PCM1: variants seen among roughly 807,000 people sequenced by gnomAD.
The protein encoded by PCM1 is pericentriolar material 1 protein.
PCM1 carries 157 observed loss-of-function variants against 241.9 expected under a neutral mutation model. The ratio of observed to expected loss-of-function variants is 0.65; its 90% confidence interval spans 0.57 to 0.74. The LOEUF (loss-of-function observed/expected upper bound fraction) is 0.74. PCM1 is among the 30% of genes least tolerant of loss of function. The pLI is 0.00. For synonymous variants in PCM1, 1,085 were observed against 784.9 expected (o/e 1.38, Z -6.39); for missense variants, 3,478 against 2,360.1 (o/e 1.47, Z -9.81).
chr8:17,928,084 A>G (rs1012633988), intron 2 of PCM1: 3 of 152,126 alleles, frequency 2.0e-5, no homozygotes, highest in Non-Finnish European at 4.4e-5. Flanking sequence ...CCGTTCAGCT[A>G]CCCGTAGTAC....
intron 26 of PCM1, among the ~76,000 whole-genome samples, chr8:17,989,063 TAAAC>T (rs1334070029): frequency 2.0e-5 from 3 of 151,976 alleles, no homozygotes; most frequent in Non-Finnish European, 1.5e-5. Flanking sequence ...GATAAATGGA[TAAAC>T]AAACTGTGGT....
chr8:18,014,918 C>G lies in PCM1; in HGVS notation c.5841+78C>G, dbSNP rs547405460. The G allele has an allele frequency of 3.9e-6, 5 of 1,276,326 alleles. No homozygotes were observed. In the African/African-American group the frequency reaches 4.4e-5, roughly 11 times the overall value. 79.1% of individuals were successfully genotyped at this position (1,276,326 alleles called of 1,614,324 possible). A position where few individuals can be genotyped will look rare whatever the true frequency, so the allele number is the denominator to read the frequency against. Reference sequence around the variant, plus strand: ...TTCTTCATTTTCAGATTAGCATTCTCCACATGTAAACCATTTTGTGTTTAG... The same window carrying G: ...TTCTTCATTTTCAGATTAGCATTCTGCACATGTAAACCATTTTGTGTTTAG... On this transcript the variant is annotated intron_variant, in intron 36 of 38. Coordinates refer to ENST00000325083, the MANE Select transcript of PCM1 (RefSeq NM_006197.4).
chr8:17,964,624 A>C lies in PCM1; in HGVS notation c.2711A>C (p.Glu904Ala), dbSNP rs1358731237. 1.9e-6 allele frequency: 3 copies of C among 1,613,822 alleles called. No individual in the cohort carries two copies. The highest frequency in any genetic ancestry group is 2.5e-6 in the Non-Finnish European group (3 of 1,179,872). The change falls in exon 18 of 39, where the codon GAA becomes GCA. Residue 904 changes from glutamate (E) to alanine (A), a missense_variant. Coordinates refer to ENST00000325083, the MANE Select transcript of PCM1 (RefSeq NM_006197.4). Reference sequence around the variant, plus strand: ...TGTGCACTAGATGAAGAAGGAGATGAAGACGGTTACCTTTCTGAAGGAATT... The same window carrying C: ...TGTGCACTAGATGAAGAAGGAGATGCAGACGGTTACCTTTCTGAAGGAATT... Reference protein sequence around the residue: ...TQCALDEEGDEDGYLSEGIVR... With the variant: ...TQCALDEEGDADGYLSEGIVR...
chr8:17,952,749 C>A (rs1298014357), intron 8 of PCM1, among the ~76,000 whole-genome samples: 2 of 151,974 alleles, frequency 1.3e-5, no homozygotes, highest in African/African-American at 4.8e-5. Context: ...GGTCCTTGAA[C>A]CAATCCCTCA....
chr8:17,930,456 C>G (rs1462639826), intron 2 of PCM1, among the ~76,000 whole-genome samples: 1 of 151,968 alleles, frequency 6.6e-6, no homozygotes, highest in Non-Finnish European at 1.5e-5. Flanking sequence ...AATGTGTTTA[C>G]AGAATAAAAT....
intron 26 of PCM1, among the ~76,000 whole-genome samples, chr8:17,986,907 G>T (rs1271865675): frequency 1.3e-5 from 2 of 151,934 alleles, no homozygotes; most frequent in Non-Finnish European, 3.0e-5. Flanking sequence ...TCTGCCTTTT[G>T]TTGAAGTGTT....
At chr8:17,991,236 T>C (rs543910037) in intron 27 of PCM1, among the ~76,000 whole-genome samples, 3 of 152,262 alleles carry the variant, frequency 2.0e-5, no homozygotes, top group East Asian at 3.9e-4. Context: ...ATGAAATAAA[T>C]ATGGGCTTCA....
intron 36 of PCM1, chr8:18,015,646 C>T (rs2093086225): frequency 1.3e-5 from 2 of 152,038 alleles, no homozygotes; most frequent in South Asian, 4.2e-4. Flanking sequence ...CTGGTGTTCC[C>T]ACTTCCTGAA....
intron 29 of PCM1, among the ~76,000 whole-genome samples, chr8:17,997,653 G>A (rs535963418): frequency 2.0e-5 from 3 of 151,914 alleles, no homozygotes; most frequent in Admixed American, 1.3e-4. Flanking sequence ...TGTCAGTTGC[G>A]TTTTTCAACT....
chr8:17,947,804 A>G (rs573893631), intron 7 of PCM1, among the ~76,000 whole-genome samples: 12 of 152,230 alleles, frequency 7.9e-5, no homozygotes, highest in Non-Finnish European at 1.3e-4. Context: ...GGTTAGTAGT[A>G]GCTAGTAGCT....
Position 18,019,236 on chromosome 8 carries a change from G to A in PCM1, c.5841+4396G>A, listed in dbSNP as rs534158047. 3.8e-4 allele frequency among the ~76,000 whole-genome samples: 57 copies of A among 151,982 alleles called. 1 individual carries two copies. The highest frequency in any genetic ancestry group is 7.8e-4 in the Non-Finnish European group (53 of 68,006). ...TCAACCTTACAATTCCATAGAAATTGTATTCTGTCTATATGTAGATAATCT... is the reference window on the plus strand; with the variant it reads ...TCAACCTTACAATTCCATAGAAATTATATTCTGTCTATATGTAGATAATCT... On this transcript the variant is annotated intron_variant, in intron 36 of 38. Coordinates refer to ENST00000325083, the MANE Select transcript of PCM1 (RefSeq NM_006197.4).
chr8:17,947,211 T>C lies in PCM1; in HGVS notation c.809T>C (p.Met270Thr). 6.2e-7 allele frequency: 1 copy of C among 1,608,630 alleles called. No individual in the cohort carries two copies. The highest frequency in any genetic ancestry group is 8.5e-7 in the Non-Finnish European group (1 of 1,175,972). The change falls in exon 7 of 39, where the codon ATG becomes ACG. Residue 270 changes from methionine (M) to threonine (T), a missense_variant. Physicochemically the swap from Met to Thr is moderately conservative, Grantham distance 81. Coordinates refer to ENST00000325083, the MANE Select transcript of PCM1 (RefSeq NM_006197.4). The part of the protein sequence containing the change: ...ILARDPQQEP[M>T]EEIENLKKQH... Reference sequence around the variant, plus strand: ...GCCAGAGATCCTCAGCAGGAGCCTATGGAAGAGATAGAAAATTTGAAGAAA... The same window carrying C: ...GCCAGAGATCCTCAGCAGGAGCCTACGGAAGAGATAGAAAATTTGAAGAAA...
rs1564375887 is a variant in PCM1, at chr8:18,011,828, G to C, written c.5511+1G>C. ...TGAAGAAAATGAACATGATGAACAG[G>C]TATTCCCGTATTGACTGACACACTT... is the stretch of plus-strand genomic sequence containing the variant. On this transcript the variant is annotated splice_donor_variant, in intron 34 of 38. Transcript: ENST00000325083. LOFTEE classifies it high-confidence loss of function. The C allele has an allele frequency of 6.2e-7, 1 of 1,609,972 alleles. No individual in the cohort carries two copies. The highest frequency in any genetic ancestry group is 8.5e-7 in the Non-Finnish European group (1 of 1,178,604).
intron 26 of PCM1, among the ~76,000 whole-genome samples, chr8:17,986,689 A>G (rs113485346): frequency 9.9e-5 from 15 of 151,732 alleles, no homozygotes; most frequent in African/African-American, 2.9e-4. Flanking sequence ...AACTGCTAGT[A>G]TATTGAGGAG....
At chr8:17,954,064 GACTTC>G (rs2067090433) in intron 9 of PCM1, among the ~76,000 whole-genome samples, 1 of 152,060 alleles carries the variant, frequency 6.6e-6, no homozygotes, top group South Asian at 2.1e-4. Context: ...TCTTTTCTCT[GACTTC>G]TGCTAGTCTC....
At chr8:17,960,804 G>A (rs796253818) in intron 15 of PCM1, among the ~76,000 whole-genome samples, 7 of 152,036 alleles carry the variant, frequency 4.6e-5, no homozygotes, top group African/African-American at 9.6e-5. Context: ...GATTACAGGC[G>A]CGAGAAACTA....
chr8:17,924,568 A>T (rs2056135672), intron 1 of PCM1, 145 bp from the exon 2 acceptor site: 1 of 152,204 alleles, frequency 6.6e-6, no homozygotes, highest in Admixed American at 6.5e-5. Flanking sequence ...GAGGTAACTT[A>T]AATTTAAAAT....
chr8:17,938,975 A>G lies in PCM1; in HGVS notation c.578A>G (p.Asp193Gly). ...CAAAACTGTCAGGTGTCTGAAGAAG[A>G]TGGGAGGGGAGAACCTGCAATGGAG... ...LLQNCQVSEE[D>G]GRGEPAMESS... Residue 193 changes from aspartate to glycine, a missense_variant, in exon 5 of 39, where the codon GAT (aspartate) becomes GGT (glycine). Coordinates refer to ENST00000325083, the MANE Select transcript of PCM1 (RefSeq NM_006197.4). The G allele has an allele frequency of 6.2e-7, 1 of 1,613,722 alleles. No individual in the cohort carries two copies. The highest frequency in any genetic ancestry group is 8.5e-7 in the Non-Finnish European group (1 of 1,179,658).
rs186763331 is a variant in PCM1, at chr8:17,953,267, G to A, written c.1288+81G>A. On this transcript the variant is annotated intron_variant, in intron 9 of 38. Transcript: ENST00000325083. ...TCACATAATAAATTTAGTATTTGGTGAATGAACACATAGCTCCTCAAAAAT... is the reference window on the plus strand; with the variant it reads ...TCACATAATAAATTTAGTATTTGGTAAATGAACACATAGCTCCTCAAAAAT... The A allele has an allele frequency of 1.9e-5, 13 of 670,982 alleles. No individual in the cohort carries two copies. In the African/African-American group the frequency reaches 2.0e-4, roughly 10 times the overall value. The allele number at this position is 670,982 out of a possible 1,614,324, so 41.6% of individuals were successfully genotyped here.
Sources: allele counts gnomAD v4.1 joint callset (sites outside exome capture counted in the v4.1 genomes callset), GRCh38; gene constraint gnomAD v4.1.1; transcripts MANE v1.5; gene names NCBI Gene and HGNC (gene_info 2026-07-23, HGNC 2026-07-21).